Variants in MTUS1 observed in about 807,000 individuals in gnomAD.
MTUS1 encodes the protein microtubule-associated tumor suppressor 1.
In MTUS1, 109 loss-of-function variants were observed where a neutral mutation model predicts 120.8. The ratio of observed to expected loss-of-function variants is 0.90; its 90% confidence interval spans 0.77 to 1.06. MTUS1 has a LOEUF of 1.06. Ranked by LOEUF, MTUS1 falls within the 50% of genes least tolerant of loss-of-function variation. The pLI is 0.00. For missense variants in MTUS1, 2,210 were observed against 1,486.3 expected, an observed-to-expected ratio of 1.49 and a Z score of -8.01; for synonymous variants, 737 against 550.5, an observed-to-expected ratio of 1.34 and a Z score of -4.74.
rs1294604667 is a variant in MTUS1, at chr8:17,742,269, GTTTTTTTTTTTTGTTGTTGTTGT to G, written c.2287+1312_2287+1334del. ...CACCATCATGCTCTCATGCCCAGCT[GTTTTTTTTTTTTGTTGTTGTTGT>G]TTTTTTTTTTTTTTTTTTTAGAGAT... is the stretch of plus-strand genomic sequence containing the variant. On this transcript the variant is annotated intron_variant, in intron 3 of 14. Coordinates refer to ENST00000693296, the MANE Select transcript of MTUS1 (RefSeq NM_001363059.2). 4.1e-4 allele frequency among the ~76,000 whole-genome samples: 39 copies of G among 94,910 alleles called. 5 individuals are homozygous for G. The East Asian group carries it at 9.3e-3, about 23-fold the overall frequency. 62.3% of individuals were successfully genotyped at this position (94,910 alleles called of 152,430 possible).
At chr8:17,790,556 C>T (rs899481499) in intron 1 of MTUS1, among the ~76,000 whole-genome samples, 2 of 147,790 alleles carry the variant, frequency 1.4e-5, no homozygotes, top group Non-Finnish European at 2.9e-5. Flanking sequence ...TGATCTCTAA[C>T]TGTCAATTTT....
chr8:17,800,580 A>C (rs1011534078), intron 1 of MTUS1: 4 of 152,216 alleles, frequency 2.6e-5, no homozygotes, highest in African/African-American at 9.6e-5. Context: ...AGCACTATAG[A>C]GTAGTCAATA....
At chr8:17,676,494 C>T in intron 7 of MTUS1, 1 of 597,536 alleles carries the variant, frequency 1.7e-6, no homozygotes, top group Non-Finnish European at 3.0e-6. Context: ...TTACCGTGTG[C>T]CTCGGATTCC....
chr8:17,765,951 T>C (rs189364478), intron 1 of MTUS1, among the ~76,000 whole-genome samples: 1 of 152,228 alleles, frequency 6.6e-6, no homozygotes, highest in Non-Finnish European at 1.5e-5. Context: ...TCTCCACTAA[T>C]TATCATTTAA....
intron 1 of MTUS1, among the ~76,000 whole-genome samples, chr8:17,757,409 C>G (rs1414923850): frequency 1.3e-5 from 2 of 152,190 alleles, no homozygotes; most frequent in African/African-American, 4.8e-5. Flanking sequence ...TGTTCTAAAA[C>G]TATGTACTGA....
chr8:17,746,306 C>T (rs1052433141), intron 2 of MTUS1, among the ~76,000 whole-genome samples: 4 of 152,142 alleles, frequency 2.6e-5, no homozygotes, highest in East Asian at 1.9e-4. Context: ...TCCCATATAC[C>T]TAACTTCTTT....
Position 17,754,276 on chromosome 8 carries a change from T to C in MTUS1, c.1532A>G (p.Lys511Arg), listed in dbSNP as rs750050070. ...SYPRPNFKNV[K>R]AKVMSRAVLQ... The stretch of plus-strand genomic sequence containing the variant: ...CACTGCTCTAGACATAACTTTTGCT[T>C]TGACATTCTTGAAGTTTGGTCTTGG... The change falls in exon 2 of 15, where the codon AAA becomes AGA. Residue 511 changes from lysine (K) to arginine (R), a missense_variant. Transcript: ENST00000693296. 1.9e-6 allele frequency: 3 copies of C among 1,614,174 alleles called. No homozygotes were observed. The highest frequency in any genetic ancestry group is 2.5e-6 in the Non-Finnish European group (3 of 1,180,046).
rs551338124 is a variant in MTUS1, at chr8:17,736,074, C to A, written c.2287+7530G>T. On this transcript the variant is annotated intron_variant, in intron 3 of 14. Transcript: ENST00000693296. ...CTGTTTGTAGTCTCAGAATCTAGTA[C>A]ACTGCCCAACACAGAGCAGCGACTC... Among the ~76,000 whole-genome samples, 5 of 152,302 alleles carry A rather than the reference C, an allele frequency of 3.3e-5. No individual in the cohort carries two copies. The East Asian group carries it at 9.7e-4, about 29-fold the overall frequency.
intron 1 of MTUS1, among the ~76,000 whole-genome samples, chr8:17,794,189 G>A (rs964413194): frequency 1.3e-5 from 2 of 152,164 alleles, no homozygotes; most frequent in South Asian, 2.1e-4. Context: ...GAAGACGGGC[G>A]TGGTGGTGCA....
At chr8:17,773,148 T>C (rs560486888) in intron 1 of MTUS1, among the ~76,000 whole-genome samples, 4 of 152,286 alleles carry the variant, frequency 2.6e-5, no homozygotes, top group East Asian at 3.9e-4. Flanking sequence ...GGAAAAAAGA[T>C]ATACAGTAAA....
chr8:17,690,815 G>A (rs569466183), intron 6 of MTUS1, among the ~76,000 whole-genome samples: 3 of 151,956 alleles, frequency 2.0e-5, no homozygotes, highest in African/African-American at 7.3e-5. Context: ...TTTATAAAAA[G>A]GACCCTCGTG....
intron 3 of MTUS1, among the ~76,000 whole-genome samples, chr8:17,731,560 C>G (rs1281639375): frequency 6.6e-6 from 1 of 151,968 alleles, no homozygotes; most frequent in East Asian, 1.9e-4. Flanking sequence ...AAACATAGGT[C>G]AGTCTTCTTG....
chr8:17,645,717 T>C lies in MTUS1; in HGVS notation c.*209A>G. ...TGCCGAAATCTTTTTTTAAATCTTT[T>C]TTTGGAGGAATCTTTTGGACGGAGG... On this transcript the variant is annotated 3_prime_UTR_variant, in exon 15 of 15. Transcript: ENST00000693296. 1.8e-6 allele frequency: 1 copy of C among 562,830 alleles called. No individual in the cohort carries two copies. The highest frequency in any genetic ancestry group is 2.9e-6 in the Non-Finnish European group (1 of 348,766). The allele number at this position is 562,830 out of a possible 1,614,324, so 34.9% of individuals were successfully genotyped here. A position where few individuals can be genotyped will look rare whatever the true frequency, so the allele number is the denominator to read the frequency against.
At chr8:17,656,128 TTACAGTCACA>T in intron 8 of MTUS1, 63 bp from the exon 9 acceptor site, 2 of 1,453,442 alleles carry the variant, frequency 1.4e-6, no homozygotes, top group Non-Finnish European at 1.9e-6. Flanking sequence ...CCTATATTCA[TTACAGTCACA>T]CACAGCTGTG....
chr8:17,671,426 G>T (rs17125056), intron 8 of MTUS1, among the ~76,000 whole-genome samples: 1 of 152,138 alleles, frequency 6.6e-6, no homozygotes, highest in African/African-American at 2.4e-5. Flanking sequence ...AAGAAAACAC[G>T]AGACAGTAAA....
intron 1 of MTUS1, among the ~76,000 whole-genome samples, chr8:17,759,235 C>T (rs1433774681): frequency 6.6e-6 from 1 of 151,676 alleles, no homozygotes; most frequent in Non-Finnish European, 1.5e-5. Flanking sequence ...TATCACTAGT[C>T]CTATGTTTGT....
At position 17,754,182 on chromosome 8, in the gene MTUS1, G is replaced by A. The variant is rs1563326673; in HGVS notation, c.1626C>T (p.Pro542=). 6.2e-7 allele frequency: 1 copy of A among 1,613,894 alleles called. No homozygotes were observed. Among genetic ancestry groups the A allele is most frequent in the South Asian group, 1.1e-5 (1 of 91,064 alleles). The change falls in exon 2 of 15, where the codon CCC becomes CCT. Residue 542 remains proline, a synonymous_variant. Transcript: ENST00000693296. Reference sequence around the variant, plus strand: ...TTTGTTGTCTTGAATTCACTGATGAGGGTGATGAGGCACTGGTCTGCTGAG... The same window carrying A: ...TTTGTTGTCTTGAATTCACTGATGAAGGTGATGAGGCACTGGTCTGCTGAG... ...PRPQQTSASS[P]SSVNSRQQTV...
intron 8 of MTUS1, among the ~76,000 whole-genome samples, chr8:17,669,600 C>T (rs1227868728): frequency 6.6e-6 from 1 of 152,162 alleles, no homozygotes; most frequent in African/African-American, 2.4e-5. Context: ...AATCCCAACA[C>T]TTTGGGAGGC....
Position 17,646,084 on chromosome 8 carries a change from C to G in MTUS1, c.3655G>C (p.Val1219Leu), listed in dbSNP as rs1368990696. 3 of 1,612,906 alleles carry G rather than the reference C, an allele frequency of 1.9e-6. No homozygotes were observed. The highest frequency in any genetic ancestry group is 2.5e-6 in the Non-Finnish European group (3 of 1,179,664). Residue 1219 changes from valine to leucine, a missense_variant, in exon 15 of 15, where the codon GTC (valine) becomes CTC (leucine). Physicochemically the swap from Val to Leu is conservative, Grantham distance 32. Transcript: ENST00000693296. The stretch of plus-strand genomic sequence containing the variant: ...TTTTCCATAGAGAGTCGCTTGTTGA[C>G]TTTCGACTCCTTCTCCAGCGACTCT... ...LQESLEKESK[V>L]NKRLSMENEE...
Sources: gnomAD v4.1 joint callset for allele counts (sites outside exome capture counted in the v4.1 genomes callset) on GRCh38, gnomAD v4.1.1 for gene constraint, MANE v1.5 for transcripts, NCBI Gene and HGNC (gene_info 2026-07-23, HGNC 2026-07-21) for gene names.